The following FHIP1A variants were observed in gnomAD, a reference collection of about 807,000 sequenced individuals.
FHIP1A encodes FHF complex subunit HOOK-interacting protein 1A.
Under a neutral mutation model 88.6 loss-of-function variants are expected in FHIP1A, and 61 were observed. That is an observed-to-expected ratio of 0.69 (90% confidence interval 0.56 to 0.85). FHIP1A has a LOEUF of 0.85. Ranked by LOEUF, FHIP1A falls within the 40% of genes least tolerant of loss-of-function variation. The probability of loss-of-function intolerance (pLI) is 0.00; values close to 1 mark genes in which losing one functional copy is unlikely to be tolerated. For synonymous variants in FHIP1A, 478 were observed against 496.0 expected, an observed-to-expected ratio of 0.96 and a Z score of 0.48; for missense variants, 1,154 against 1,273.5, an observed-to-expected ratio of 0.91 and a Z score of 1.43.
chr4:151,650,276 C>G lies in FHIP1A; in HGVS notation c.2235C>G (p.His745Gln). Residue 745 changes from histidine to glutamine, a missense_variant, in exon 11 of 14, where the codon CAC (histidine) becomes CAG (glutamine). Coordinates refer to ENST00000435205, the MANE Select transcript of FHIP1A (RefSeq NM_001109977.3). Reference sequence around the variant, plus strand: ...ACAGCTCTAACCTGACAGCCGCCCACCCGGAGAGCGAGGAGCTCATTGCCC... The same window carrying G: ...ACAGCTCTAACCTGACAGCCGCCCAGCCGGAGAGCGAGGAGCTCATTGCCC... Reference protein sequence around the residue: ...AEHSSNLTAAHPESEELIAQY... With the variant: ...AEHSSNLTAAQPESEELIAQY... 1 of 1,551,712 alleles carries G rather than the reference C, an allele frequency of 6.4e-7. No individual in the cohort carries two copies. The highest frequency in any genetic ancestry group is 8.7e-7 in the Non-Finnish European group (1 of 1,146,996).
At chr4:151,647,538 G>C (rs1414388162) in intron 10 of FHIP1A, among the ~76,000 whole-genome samples, 1 of 152,142 alleles carries the variant, frequency 6.6e-6, no homozygotes, top group African/African-American at 2.4e-5. Flanking sequence ...TAGGTAAAGT[G>C]TATTTAAAAG....
chr4:151,644,193 A>G (rs895378369), intron 9 of FHIP1A, among the ~76,000 whole-genome samples: 1 of 152,202 alleles, frequency 6.6e-6, no homozygotes, highest in Non-Finnish European at 1.5e-5. Context: ...ACCAGCCTAT[A>G]GGAAGAGTTC....
At chr4:151,623,594 C>T (rs1487013170) in intron 7 of FHIP1A, among the ~76,000 whole-genome samples, 1 of 146,840 alleles carries the variant, frequency 6.8e-6, no homozygotes, top group African/African-American at 2.5e-5. Flanking sequence ...GAAATAATAG[C>T]CATCCTTTAC....
chr4:151,636,262 G>C (rs1007786094), intron 8 of FHIP1A, among the ~76,000 whole-genome samples: 1 of 151,776 alleles, frequency 6.6e-6, no homozygotes, highest in Admixed American at 6.6e-5. Flanking sequence ...AAATAGAGGG[G>C]AACTTCCTAG....
chr4:151,544,030 G>A (rs567017103), intron 3 of FHIP1A, among the ~76,000 whole-genome samples: 6 of 152,260 alleles, frequency 3.9e-5, no homozygotes, highest in South Asian at 2.1e-4. Flanking sequence ...CTCAAATTGC[G>A]TTGAACCAAA....
At position 151,664,097 on chromosome 4, in the gene FHIP1A, G is replaced by A. The variant is rs984267158; in HGVS notation, c.*1343G>A. Among the ~76,000 whole-genome samples, 3 of 152,184 alleles carry A rather than the reference G, an allele frequency of 2.0e-5. No homozygotes were observed. The highest frequency in any genetic ancestry group is 3.4e-3 in the Middle Eastern group (1 of 294). On this transcript the variant is annotated 3_prime_UTR_variant, in exon 14 of 14. Transcript: ENST00000435205. Reference sequence around the variant, plus strand: ...TTAAATTCCACTCCCCTCTATTTTGGGCCCAGTTCTGCAGGTGCGAAGCAA... The same window carrying A: ...TTAAATTCCACTCCCCTCTATTTTGAGCCCAGTTCTGCAGGTGCGAAGCAA...
intron 8 of FHIP1A, among the ~76,000 whole-genome samples, chr4:151,638,420 A>G (rs1482723237): frequency 2.6e-5 from 4 of 151,976 alleles, no homozygotes; most frequent in South Asian, 4.2e-4. Context: ...AAAGTTGGAA[A>G]TATGAGCCCA....
At chr4:151,425,340 C>T (rs757039586) in intron 1 of FHIP1A, among the ~76,000 whole-genome samples, 1 of 151,898 alleles carries the variant, frequency 6.6e-6, no homozygotes, top group Non-Finnish European at 1.5e-5. Flanking sequence ...ACAAGAAAAA[C>T]AAAGAGGGAA....
chr4:151,601,225 T>A (rs920208647), intron 7 of FHIP1A, among the ~76,000 whole-genome samples: 1 of 152,010 alleles, frequency 6.6e-6, no homozygotes, highest in Admixed American at 6.6e-5. Flanking sequence ...TGGAACCCCA[T>A]TGGGTGAACC....
intron 7 of FHIP1A, among the ~76,000 whole-genome samples, chr4:151,598,813 T>G (rs1289314326): frequency 6.6e-6 from 1 of 152,228 alleles, no homozygotes; most frequent in East Asian, 1.9e-4. Flanking sequence ...CTGAATGTTT[T>G]CTTACAACTC....
At chr4:151,563,240 C>T (rs948493127) in intron 3 of FHIP1A, among the ~76,000 whole-genome samples, 3 of 152,016 alleles carry the variant, frequency 2.0e-5, no homozygotes, top group Non-Finnish European at 4.4e-5. Flanking sequence ...TCTTTCTTGC[C>T]CATTACCACA....
Position 151,667,748 on chromosome 4 carries a change from A to T in FHIP1A, c.*4994A>T, listed in dbSNP as rs1366615382. Among the ~76,000 whole-genome samples, 1 of 152,244 alleles carries T rather than the reference A, an allele frequency of 6.6e-6. No homozygotes were observed. Among genetic ancestry groups the T allele is most frequent in the Non-Finnish European group, 1.5e-5 (1 of 68,046 alleles). ...TCACTGTGAATTTTGTTCATGTCTTAAAAGGTTTAAGTTAACCTAGTTCAC... is the reference window on the plus strand; with the variant it reads ...TCACTGTGAATTTTGTTCATGTCTTTAAAGGTTTAAGTTAACCTAGTTCAC... On this transcript the variant is annotated 3_prime_UTR_variant, in exon 14 of 14. Transcript: ENST00000435205.
Position 151,667,837 on chromosome 4 carries a change from C to T in FHIP1A, c.*5083C>T, listed in dbSNP as rs576373227. Among the ~76,000 whole-genome samples, 145 of 152,306 alleles carry T rather than the reference C, an allele frequency of 9.5e-4. No homozygotes were observed. The highest frequency in any genetic ancestry group is 1.7e-3 in the Non-Finnish European group (118 of 68,032). Reference sequence around the variant, plus strand: ...GTCAGCATGACTTCGACATGCATTCCAGGCATCTTTCGGGGAGTTTAGATT... The same window carrying T: ...GTCAGCATGACTTCGACATGCATTCTAGGCATCTTTCGGGGAGTTTAGATT... On this transcript the variant is annotated 3_prime_UTR_variant, in exon 14 of 14. Coordinates refer to ENST00000435205, the MANE Select transcript of FHIP1A (RefSeq NM_001109977.3).
chr4:151,587,381 A>G (rs1285857604), intron 6 of FHIP1A, among the ~76,000 whole-genome samples: 2 of 152,296 alleles, frequency 1.3e-5, no homozygotes, highest in African/African-American at 2.4e-5. Flanking sequence ...ACTGTTTTCA[A>G]TAAAAATCAG....
chr4:151,559,182 C>T (rs765551759), intron 3 of FHIP1A, among the ~76,000 whole-genome samples: 6 of 152,194 alleles, frequency 3.9e-5, no homozygotes, highest in Non-Finnish European at 7.3e-5. Context: ...CTATACTCAT[C>T]GTGCAGGTAC....
intron 3 of FHIP1A, among the ~76,000 whole-genome samples, chr4:151,491,772 A>G (rs941798903): frequency 6.6e-6 from 1 of 152,212 alleles, no homozygotes; most frequent in African/African-American, 2.4e-5. Flanking sequence ...TAGAACTCAC[A>G]TAAACTTAAG....
chr4:151,657,247 C>A (rs775312051), intron 13 of FHIP1A, among the ~76,000 whole-genome samples: 13 of 152,146 alleles, frequency 8.5e-5, no homozygotes, highest in Non-Finnish European at 1.9e-4. Flanking sequence ...CTCTCCGAGC[C>A]ATTTTTTTGG....
Position 151,638,761 on chromosome 4 carries a change from G to A in FHIP1A, c.1226+5G>A. On this transcript the variant is annotated splice_donor_5th_base_variant and intron_variant, in intron 9 of 13. Transcript: ENST00000435205. ...GATGTTACAGCTAGTTCTAAGGTGAGTTGCCTTTTTTGTTTCCTTTAAAGA... is the reference window on the plus strand; with the variant it reads ...GATGTTACAGCTAGTTCTAAGGTGAATTGCCTTTTTTGTTTCCTTTAAAGA... The A allele has an allele frequency of 6.5e-7, 1 of 1,528,442 alleles. No individual in the cohort carries two copies. The highest frequency in any genetic ancestry group is 8.8e-7 in the Non-Finnish European group (1 of 1,131,096). The allele number at this position is 1,528,442 out of a possible 1,614,324, so 94.7% of individuals were successfully genotyped here. A position where few individuals can be genotyped will look rare whatever the true frequency, so the allele number is the denominator to read the frequency against.
intron 1 of FHIP1A, among the ~76,000 whole-genome samples, chr4:151,417,458 T>A (rs1023186472): frequency 6.6e-6 from 1 of 152,192 alleles, no homozygotes; most frequent in Non-Finnish European, 1.5e-5. Flanking sequence ...TATATTTCTA[T>A]GCAAAGGAAG....
Sources: allele counts gnomAD v4.1 joint callset (sites outside exome capture counted in the v4.1 genomes callset), GRCh38; gene constraint gnomAD v4.1.1; transcripts MANE v1.5; gene names NCBI Gene and HGNC (gene_info 2026-07-23, HGNC 2026-07-21).